CA13: variants seen among roughly 807,000 people sequenced by gnomAD.
CA13 encodes the protein CA-XIII.
In CA13, 21 loss-of-function variants were observed where a neutral mutation model predicts 31.5. The ratio of observed to expected loss-of-function variants is 0.67; its 90% CI spans 0.47 to 0.96. CA13 has a LOEUF of 0.96. Ranked by LOEUF, CA13 falls within the 40% of genes least tolerant of loss-of-function variation. CA13 has a pLI of 0.00. For synonymous variants in CA13, 117 were observed against 111.4 expected (o/e 1.05, Z -0.32); for missense variants, 315 against 318.9 (o/e 0.99, Z 0.09).
chr8:85,272,941 C>A (rs1207103668), intron 6 of CA13, among the ~76,000 whole-genome samples: 1 of 152,190 alleles, frequency 6.6e-6, no homozygotes, highest in Non-Finnish European at 1.5e-5. Flanking sequence ...CCTCAGCCTC[C>A]TGAGTAGCTG....
intron 3 of CA13, among the ~76,000 whole-genome samples, chr8:85,266,077 G>C (rs1434316785): frequency 6.6e-6 from 1 of 152,212 alleles, no homozygotes; most frequent in Non-Finnish European, 1.5e-5. Flanking sequence ...ATTTGAGGCT[G>C]CTCCATTGCA....
chr8:85,248,611 A>AT (rs1388365193), intron 1 of CA13, among the ~76,000 whole-genome samples: 2 of 151,820 alleles, frequency 1.3e-5, no homozygotes, highest in Non-Finnish European at 2.9e-5. Context: ...AGAGGAGGAA[A>AT]TTTTTTTTGG....
chr8:85,259,119 C>G (rs1183878638), intron 2 of CA13, among the ~76,000 whole-genome samples: 3 of 152,154 alleles, frequency 2.0e-5, no homozygotes, highest in African/African-American at 7.2e-5. Context: ...CAGGTAAACA[C>G]AACCATTCCT....
chr8:85,276,037 C>T (rs1042489025), intron 6 of CA13, among the ~76,000 whole-genome samples: 1 of 152,196 alleles, frequency 6.6e-6, no homozygotes, highest in Non-Finnish European at 1.5e-5. Flanking sequence ...GGAGCCGGCT[C>T]CCTCAGGTTG....
chr8:85,259,508 A>C lies in CA13; in HGVS notation c.323A>C (p.His108Pro). ...WGSADDHGSE[H>P]IVDGVSYAAE... ...TCCGCTGATGACCACGGCTCCGAGCACATAGTAGATGGAGTGAGCTATGCT... is the reference window on the plus strand; with the variant it reads ...TCCGCTGATGACCACGGCTCCGAGCCCATAGTAGATGGAGTGAGCTATGCT... The change falls in exon 3 of 7, where the codon CAC becomes CCC. Residue 108 changes from histidine (H) to proline (P), a missense_variant. Transcript: ENST00000321764. 1.2e-6 allele frequency: 2 copies of C among 1,614,100 alleles called. No homozygotes were observed. The highest frequency in any genetic ancestry group is 1.7e-6 in the Non-Finnish European group (2 of 1,179,948).
At chr8:85,273,871 C>G (rs1401650836) in intron 6 of CA13, among the ~76,000 whole-genome samples, 2 of 151,832 alleles carry the variant, frequency 1.3e-5, no homozygotes, top group African/African-American at 4.8e-5. Context: ...TGGGTGCAGA[C>G]GGGCTGAGGT....
Position 85,254,778 on chromosome 8 carries a change from T to G in CA13, c.235+3841T>G, listed in dbSNP as rs561186227. On this transcript the variant is annotated intron_variant, in intron 2 of 6. Coordinates refer to ENST00000321764, the MANE Select transcript of CA13 (RefSeq NM_198584.3). Reference sequence around the variant, plus strand: ...AACCACCATAGTTAAACAAGTTTTTTTTTTTTTTTTGGTTTTGTTTTTTTT... The same window carrying G: ...AACCACCATAGTTAAACAAGTTTTTGTTTTTTTTTTGGTTTTGTTTTTTTT... Among the ~76,000 whole-genome samples, 8 of 151,566 alleles carry G rather than the reference T, an allele frequency of 5.3e-5. No individual in the cohort carries two copies. In the East Asian group the frequency reaches 1.5e-3, roughly 29 times the overall value.
At position 85,283,654 on chromosome 8, in the gene CA13, GT is replaced by G. The variant is rs1319903629; in HGVS notation, c.*2306del. 6.6e-6 allele frequency: 1 copy of G among 152,608 alleles called. No individual in the cohort carries two copies. Among genetic ancestry groups the G allele is most frequent in the East Asian group, 1.9e-4 (1 of 5,188 alleles). 9.5% of individuals were successfully genotyped at this position (152,608 alleles called of 1,614,324 possible). A position where few individuals can be genotyped will look rare whatever the true frequency, so the allele number is the denominator to read the frequency against. ...TCTTTAGTTTGGAAAGACCTGTGAA[GT>G]ATCCTAGTCAGGGAAAGAACCTGTT... On this transcript the variant is annotated 3_prime_UTR_variant, in exon 7 of 7. Coordinates refer to ENST00000321764, the MANE Select transcript of CA13 (RefSeq NM_198584.3).
intron 2 of CA13, among the ~76,000 whole-genome samples, chr8:85,257,736 A>C (rs1314638852): frequency 6.7e-6 from 1 of 149,500 alleles, no homozygotes; most frequent in Admixed American, 6.6e-5. Flanking sequence ...AACAAACCCC[A>C]AAACACTGCA....
At position 85,245,860 on chromosome 8, in the gene CA13, A is replaced by G. The variant is rs767699457; in HGVS notation, c.32A>G (p.His11Arg). 6.2e-7 allele frequency: 1 copy of G among 1,614,164 alleles called. No homozygotes were observed. The highest frequency in any genetic ancestry group is 1.1e-5 in the South Asian group (1 of 91,084). The change falls in exon 1 of 7, where the codon CAC becomes CGC. Residue 11 changes from histidine (H) to arginine (R), a missense_variant. By Grantham distance (29) the His-to-Arg change is conservative. Transcript: ENST00000321764. ...AGGCTCAGCTGGGGATACCGCGAGC[A>G]CAACGGTGAGCGCCTTTTCCTGATC... MSRLSWGYRE[H>R]NGPIHWKEFF... is the part of the protein sequence containing the mutation.
At chr8:85,254,140 T>A (rs774754257) in intron 2 of CA13, among the ~76,000 whole-genome samples, 8 of 151,430 alleles carry the variant, frequency 5.3e-5, no homozygotes, top group Non-Finnish European at 1.0e-4. Flanking sequence ...TAGCCAGGAG[T>A]GGTGACACAC....
chr8:85,245,913 A>G (rs758297299), intron 1 of CA13, 48 bp downstream of exon 1: 2 of 1,610,894 alleles, frequency 1.2e-6, no homozygotes, highest in Non-Finnish European at 1.7e-6. Flanking sequence ...GGGGGACGAG[A>G]GGACTAGCGC....
chr8:85,251,930 A>T (rs1458482942), intron 2 of CA13, among the ~76,000 whole-genome samples: 1 of 152,198 alleles, frequency 6.6e-6, no homozygotes, highest in African/African-American at 2.4e-5. Flanking sequence ...TATTTTATAG[A>T]CATCTTTCCA....
intron 1 of CA13, among the ~76,000 whole-genome samples, chr8:85,248,726 T>A (rs1563998616): frequency 6.6e-6 from 1 of 152,218 alleles, no homozygotes; most frequent in Non-Finnish European, 1.5e-5. Flanking sequence ...TACTTTTATT[T>A]TATTTTGGTT....
rs1466496764 is a variant in CA13, at chr8:85,257,703, C to CT, written c.236-1717dup. The stretch of plus-strand genomic sequence containing the variant: ...CCAGCCTGGGCAGCAGAGACCTTGT[C>CT]TCAAAAAAAAAAAACAAAAACGAAC... On this transcript the variant is annotated intron_variant, in intron 2 of 6. Coordinates refer to ENST00000321764, the MANE Select transcript of CA13 (RefSeq NM_198584.3). Among the ~76,000 whole-genome samples, 9 of 93,160 alleles carry CT rather than the reference C, an allele frequency of 9.7e-5. No individual in the cohort carries two copies. In the East Asian group the frequency reaches 2.2e-3, roughly 22 times the overall value. 61.1% of individuals were successfully genotyped at this position (93,160 alleles called of 152,430 possible).
intron 6 of CA13, among the ~76,000 whole-genome samples, chr8:85,274,076 C>G (rs1807566688): frequency 6.6e-6 from 1 of 152,040 alleles, no homozygotes; most frequent in African/African-American, 2.4e-5. Context: ...ACTGCTGGTG[C>G]CAGTGGCCTT....
intron 1 of CA13, among the ~76,000 whole-genome samples, chr8:85,247,604 C>T (rs909017058): frequency 6.6e-6 from 1 of 152,134 alleles, no homozygotes; most frequent in African/African-American, 2.4e-5. Flanking sequence ...GAGTCTTGCT[C>T]TGTTGCCCAG....
intron 6 of CA13, among the ~76,000 whole-genome samples, chr8:85,274,151 G>C (rs1807567478): frequency 6.6e-6 from 1 of 152,084 alleles, no homozygotes; most frequent in African/African-American, 2.4e-5. Flanking sequence ...TCAGGTCCCG[G>C]GGAGAATCTT....
At chr8:85,265,047 A>G (rs1807438506) in intron 3 of CA13, among the ~76,000 whole-genome samples, 1 of 152,248 alleles carries the variant, frequency 6.6e-6, no homozygotes, top group Non-Finnish European at 1.5e-5. Flanking sequence ...CCTGTAAGAC[A>G]TATTTATCTC....
Sources: gnomAD v4.1 joint callset for allele counts (sites outside exome capture counted in the v4.1 genomes callset) on GRCh38, gnomAD v4.1.1 for gene constraint, MANE v1.5 for transcripts, NCBI Gene and HGNC (gene_info 2026-07-23, HGNC 2026-07-21) for gene names.